ASB3: variants seen among roughly 807,000 people sequenced by gnomAD.
ASB3 encodes the protein ankyrin repeat and SOCS box protein 3.
Under a neutral mutation model 54.5 loss-of-function variants are expected in ASB3, and 41 were observed. That is an observed-to-expected ratio of 0.75 (90% CI 0.59 to 0.98). ASB3 has a LOEUF of 0.98. ASB3 is among the 50% of genes least tolerant of loss of function. The pLI is 0.00. For synonymous variants in ASB3, 266 were observed against 221.2 expected (o/e 1.20, Z -1.80); for missense variants, 733 against 620.0 (o/e 1.18, Z -1.94).
At chr2:53,673,871 G>C (rs1667947728) in intron 9 of ASB3, among the ~76,000 whole-genome samples, 1 of 152,166 alleles carries the variant, frequency 6.6e-6, no homozygotes, top group South Asian at 2.1e-4. Context: ...CTGGCCTAAT[G>C]AACAATTAGA....
intron 3 of ASB3, among the ~76,000 whole-genome samples, chr2:53,733,205 G>A (rs1671417118): frequency 6.6e-6 from 1 of 152,182 alleles, no homozygotes; most frequent in Admixed American, 6.5e-5. Context: ...GAGTGCTTCT[G>A]CCTTGAGAGC....
At chr2:53,717,419 A>C (rs1169652619) in intron 5 of ASB3, among the ~76,000 whole-genome samples, 1 of 152,214 alleles carries the variant, frequency 6.6e-6, no homozygotes, top group Non-Finnish European at 1.5e-5. Context: ...CTGCATGATA[A>C]ATAATGCCTA....
At chr2:53,673,132 A>T (rs1667906173) in intron 9 of ASB3, among the ~76,000 whole-genome samples, 1 of 152,234 alleles carries the variant, frequency 6.6e-6, no homozygotes, top group African/African-American at 2.4e-5. Context: ...ATGGAAATGA[A>T]AGAGAAAATG....
At chr2:53,739,930 T>A (rs1041531163) in intron 3 of ASB3, among the ~76,000 whole-genome samples, 10 of 152,258 alleles carry the variant, frequency 6.6e-5, no homozygotes, top group Middle Eastern at 3.4e-3. Flanking sequence ...CACTTCAGCC[T>A]CCCAAAATGT....
intron 9 of ASB3, among the ~76,000 whole-genome samples, chr2:53,676,696 A>C (rs1198877898): frequency 1.3e-5 from 2 of 152,184 alleles, no homozygotes; most frequent in African/African-American, 2.4e-5. Flanking sequence ...AGCAATTTCC[A>C]GTCCTGCAAG....
intron 9 of ASB3, among the ~76,000 whole-genome samples, chr2:53,680,591 T>C (rs1200732904): frequency 1.3e-5 from 2 of 152,200 alleles, no homozygotes; most frequent in African/African-American, 2.4e-5. Context: ...TATTTTTAAA[T>C]TGTGTGGGCA....
intron 7 of ASB3, among the ~76,000 whole-genome samples, chr2:53,713,926 T>A (rs888685199): frequency 1.3e-5 from 2 of 151,674 alleles, no homozygotes; most frequent in Non-Finnish European, 2.9e-5. Context: ...AAAAAAAAAT[T>A]TTTTTTAATG....
At chr2:53,689,321 T>C (rs753177414) in intron 9 of ASB3, among the ~76,000 whole-genome samples, 10 of 152,334 alleles carry the variant, frequency 6.6e-5, no homozygotes, top group Admixed American at 3.3e-4. Context: ...AATTTTTCTT[T>C]GGCATAAAAT....
chr2:53,774,610 G>A, intron 1 of ASB3: 2 of 993,468 alleles, frequency 2.0e-6, no homozygotes, highest in Non-Finnish European at 2.9e-6. Flanking sequence ...TTTTAATGTA[G>A]TGAGGATATT....
chr2:53,712,484 CAGAAACCT>C (rs1278659511), intron 7 of ASB3, among the ~76,000 whole-genome samples: 2 of 152,080 alleles, frequency 1.3e-5, no homozygotes, highest in African/African-American at 4.8e-5. Context: ...TTGGAAAATC[CAGAAACCT>C]ATTTAAGATC....
chr2:53,765,182 T>C (rs1237166296), intron 2 of ASB3, among the ~76,000 whole-genome samples, 195 bp downstream of exon 2: 6 of 152,200 alleles, frequency 3.9e-5, no homozygotes, highest in East Asian at 1.9e-4. Flanking sequence ...CCGTATAAGA[T>C]GTCCAACTAG....
chr2:53,700,663 T>C (rs1669438959), intron 7 of ASB3, 135 bp from the exon 8 acceptor site: 1 of 1,266,048 alleles, frequency 7.9e-7, no homozygotes, highest in Non-Finnish European at 1.1e-6. Flanking sequence ...TCTACACATC[T>C]AGTGGATTGA....
At chr2:53,737,214 A>G (rs1406704432) in intron 3 of ASB3, among the ~76,000 whole-genome samples, 2 of 152,096 alleles carry the variant, frequency 1.3e-5, no homozygotes, top group Non-Finnish European at 2.9e-5. Flanking sequence ...GAAACACAAG[A>G]GATGAGCCCA....
chr2:53,713,431 G>T (rs1419380065), intron 7 of ASB3, among the ~76,000 whole-genome samples: 1 of 152,118 alleles, frequency 6.6e-6, no homozygotes, highest in Non-Finnish European at 1.5e-5. Context: ...ACTCAATATG[G>T]CTGTTCTTAC....
chr2:53,768,132 A>G (rs1337761982), intron 1 of ASB3: 8 of 1,255,288 alleles, frequency 6.4e-6, no homozygotes, highest in Non-Finnish European at 7.7e-6. Context: ...CATGGGGCCA[A>G]AGCACATGGC....
At chr2:53,700,163 G>T (rs112496917) in intron 8 of ASB3, 108 bp downstream of exon 8, 7 of 1,501,736 alleles carry the variant, frequency 4.7e-6, no homozygotes, top group African/African-American at 4.3e-5. Flanking sequence ...AGCCATCACA[G>T]TCAAAACACA....
intron 3 of ASB3, among the ~76,000 whole-genome samples, chr2:53,739,984 T>C (rs1231787275): frequency 3.3e-5 from 5 of 152,206 alleles, no homozygotes; most frequent in Non-Finnish European, 7.3e-5. Flanking sequence ...TAGTCTTTCA[T>C]TTTGAGGCTC....
chr2:53,671,353 CGTGTGTGTGTGTGTGTGTGT>C (rs142473697), intron 9 of ASB3, among the ~76,000 whole-genome samples: 12 of 142,512 alleles, frequency 8.4e-5, no homozygotes, highest in Non-Finnish European at 1.5e-4. Context: ...GAACCCAAAG[CGTGTGTGTGTGTGTGTGTGT>C]GTGTGTGTGT....
intron 1 of ASB3, chr2:53,768,036 A>G: frequency 1.9e-6 from 3 of 1,611,944 alleles, no homozygotes; most frequent in South Asian, 2.2e-5. Context: ...GGCGCCGGTC[A>G]GCTCCCCACA....
Sources: gnomAD v4.1 joint callset for allele counts (sites outside exome capture counted in the v4.1 genomes callset) on GRCh38, gnomAD v4.1.1 for gene constraint, MANE v1.5 for transcripts, NCBI Gene and HGNC (gene_info 2026-07-23, HGNC 2026-07-21) for gene names.